Variants in CBR4 observed in about 807,000 individuals in gnomAD.
The protein encoded by CBR4 is carbonyl reductase 4.
CBR4 carries 22 observed loss-of-function variants against 21.0 expected under a neutral mutation model. The ratio of observed to expected loss-of-function variants is 1.05; its 90% CI spans 0.75 to 1.50. The LOEUF is 1.50. Among genes scored for constraint, CBR4 ranks in the 40% most tolerant of loss-of-function variants. The pLI is 0.00. For missense variants in CBR4, 302 were observed against 286.3 expected, an observed-to-expected ratio of 1.05 and a Z score of -0.40; for synonymous variants, 100 against 104.4, an observed-to-expected ratio of 0.96 and a Z score of 0.26.
intron 2 of CBR4, chr4:168,896,647 T>C: frequency 9.7e-7 from 1 of 1,027,038 alleles, no homozygotes; most frequent in Non-Finnish European, 1.5e-6. Context: ...TCTGTGTCTG[T>C]TTTCTTCTGT....
At chr4:168,970,308 T>C (rs1764167484) in intron 2 of CBR4, among the ~76,000 whole-genome samples, 1 of 152,146 alleles carries the variant, frequency 6.6e-6, no homozygotes, top group Non-Finnish European at 1.5e-5. Flanking sequence ...ATCAGAAAAA[T>C]ATTCACTTCC....
At chr4:168,927,286 G>GAGGT (rs2126630580) in intron 2 of CBR4, 1 of 231,532 alleles carries the variant, frequency 4.3e-6, no homozygotes, top group East Asian at 6.1e-5. Flanking sequence ...AGGCACAGGA[G>GAGGT]AGGTAGCAAA....
Position 169,010,201 on chromosome 4 carries a change from G to T in CBR4, c.-112C>A. 1 of 905,436 alleles carries T rather than the reference G, an allele frequency of 1.1e-6. No individual in the cohort carries two copies. The allele number at this position is 905,436 out of a possible 1,614,324, so 56.1% of individuals were successfully genotyped here. On this transcript the variant is annotated 5_prime_UTR_variant, in exon 1 of 5. Transcript: ENST00000306193. ...AAAAAAAAAAAAAAGAAAAAAAAAG[G>T]CAAACCGCAAAAAAAAATAACGCCG...
intron 2 of CBR4, among the ~76,000 whole-genome samples, chr4:168,953,125 G>A (rs1236715057): frequency 6.6e-6 from 1 of 152,176 alleles, no homozygotes; most frequent in African/African-American, 2.4e-5. Context: ...AGGTTCCCAG[G>A]TCAATGGAGT....
intron 2 of CBR4, chr4:168,927,543 T>TGAAG: frequency 4.3e-6 from 1 of 230,996 alleles, no homozygotes; most frequent in Non-Finnish European, 8.6e-6. Flanking sequence ...CTAGTCTACT[T>TGAAG]GAAGGAAGTG....
downstream of CBR4, among the ~76,000 whole-genome samples, chr4:168,984,378 T>C (rs914973399): frequency 6.6e-6 from 1 of 151,960 alleles, no homozygotes; most frequent in African/African-American, 2.4e-5. Context: ...ATGAGAATTA[T>C]AACACACTGC....
At chr4:168,898,371 G>A in intron 2 of CBR4, 2 of 724,568 alleles carry the variant, frequency 2.8e-6, no homozygotes, top group South Asian at 3.0e-5. Context: ...GGCTCAGACT[G>A]TGTTTTTAAG....
At chr4:168,907,789 C>T (rs143800746) in intron 2 of CBR4, among the ~76,000 whole-genome samples, 86 of 152,224 alleles carry the variant, frequency 5.6e-4, no homozygotes, top group Admixed American at 1.8e-3. Flanking sequence ...TCCTATCCAA[C>T]CTGTGATTTC....
At chr4:168,897,781 G>C (rs1178820101) in intron 2 of CBR4, among the ~76,000 whole-genome samples, 1 of 151,508 alleles carries the variant, frequency 6.6e-6, no homozygotes, top group Non-Finnish European at 1.5e-5. Context: ...CAAGGAAATT[G>C]TAGGATCCAC....
downstream of CBR4, among the ~76,000 whole-genome samples, chr4:168,984,987 T>C (rs186435192): frequency 1.8e-3 from 272 of 152,240 alleles, no homozygotes; most frequent in African/African-American, 6.3e-3. Context: ...AATACCATTC[T>C]GGACATGGGC....
intron 2 of CBR4, among the ~76,000 whole-genome samples, chr4:168,899,531 GTAA>G (rs1419835561): frequency 1.7e-4 from 26 of 152,314 alleles, no homozygotes; most frequent in African/African-American, 6.0e-4. Context: ...TTATATAAAG[GTAA>G]TAATATGTGA....
intron 2 of CBR4, 51 bp from the exon 3 acceptor site, chr4:169,006,942 A>G (rs1730956476): frequency 4.7e-6 from 7 of 1,474,780 alleles, no homozygotes; most frequent in Non-Finnish European, 6.6e-6. Flanking sequence ...ATAAAAACCA[A>G]AAAGGTCAAG....
At chr4:169,009,106 A>G (rs1487446589) in intron 1 of CBR4, 5 of 444,280 alleles carry the variant, frequency 1.1e-5, no homozygotes, top group Non-Finnish European at 2.2e-5. Context: ...TAAGAGCCAC[A>G]AGACGCACCC....
At chr4:168,922,856 G>T (rs1393348664) in intron 2 of CBR4, among the ~76,000 whole-genome samples, 1 of 152,186 alleles carries the variant, frequency 6.6e-6, no homozygotes, top group African/African-American at 2.4e-5. Flanking sequence ...TGGCACTCCT[G>T]TCAGAAGACG....
chr4:169,008,608 G>T (rs1215434165), intron 1 of CBR4, among the ~76,000 whole-genome samples: 1 of 152,100 alleles, frequency 6.6e-6, no homozygotes, highest in Non-Finnish European at 1.5e-5. Context: ...CATGGAACAC[G>T]ATTCAAAGGA....
At chr4:168,987,265 T>A (rs922058250), downstream of CBR4, among the ~76,000 whole-genome samples, 1 of 152,202 alleles carries the variant, frequency 6.6e-6, no homozygotes, top group African/African-American at 2.4e-5. Flanking sequence ...GCCAAAGGAA[T>A]CTGATCAAGA....
intron 1 of CBR4, 50 bp downstream of exon 1, chr4:169,009,898 G>C: frequency 3.9e-6 from 6 of 1,540,220 alleles, no homozygotes; most frequent in Non-Finnish European, 5.3e-6. Context: ...ATTTTCTTTA[G>C]GCGCCTGGAC....
chr4:168,965,308 GA>G (rs1763987418), intron 2 of CBR4, among the ~76,000 whole-genome samples: 1 of 152,136 alleles, frequency 6.6e-6, no homozygotes, highest in African/African-American at 2.4e-5. Context: ...TCAATATCGT[GA>G]AAATGGCCAT....
chr4:168,974,693 T>C (rs554804560), intron 2 of CBR4, among the ~76,000 whole-genome samples: 1 of 152,302 alleles, frequency 6.6e-6, no homozygotes, highest in South Asian at 2.1e-4. Context: ...TGCAATTCTA[T>C]TGCTGAAACT....
Sources: allele counts gnomAD v4.1 joint callset (sites outside exome capture counted in the v4.1 genomes callset), GRCh38; gene constraint gnomAD v4.1.1; transcripts MANE v1.5; gene names NCBI Gene and HGNC (gene_info 2026-07-23, HGNC 2026-07-21).